Variants in ASAP1 observed in about 807,000 individuals in gnomAD.
ASAP1 encodes arf-GAP with SH3 domain, ANK repeat and PH domain-containing protein 1.
Under a neutral mutation model 145.2 loss-of-function variants are expected in ASAP1, and 43 were observed. That is an observed-to-expected ratio of 0.30 (90% confidence interval 0.23 to 0.38). The LOEUF (loss-of-function observed/expected upper bound fraction) is 0.38. Among genes scored for constraint, ASAP1 ranks in the 10% least tolerant of loss-of-function variants. The pLI, the probability that ASAP1 is intolerant of heterozygous loss-of-function variation, is 1.00. For missense variants in ASAP1, 1,018 were observed against 1,355.3 expected, an observed-to-expected ratio of 0.75 and a Z score of 3.91; for synonymous variants, 546 against 515.5, an observed-to-expected ratio of 1.06 and a Z score of -0.80.
chr8:130,090,500 C>A (rs1018803250), intron 25 of ASAP1, among the ~76,000 whole-genome samples: 13 of 152,184 alleles, frequency 8.5e-5, no homozygotes, highest in African/African-American at 3.1e-4. Flanking sequence ...TTGTTCTTGC[C>A]TGGCTTGTGG....
intron 3 of ASAP1, among the ~76,000 whole-genome samples, chr8:130,271,941 G>T (rs1255068069): frequency 6.6e-6 from 1 of 152,092 alleles, no homozygotes; most frequent in Non-Finnish European, 1.5e-5. Flanking sequence ...AATGGAAGGG[G>T]AGGAAGCAAG....
rs2097525586 is a variant in ASAP1 at position 130,099,818 on chromosome 8, T to A, written c.2402-7675A>T. On this transcript the variant is annotated intron_variant, in intron 24 of 29. Transcript: ENST00000518721. ...CCTCCCAAAGTGCTGGGATTACAGA[T>A]GTGAGTCATTGTGCCCAGCCTATAG... Among the ~76,000 whole-genome samples, 4 of 151,450 alleles carry A rather than the reference T, an allele frequency of 2.6e-5. No homozygotes were observed. The South Asian group carries it at 8.3e-4, about 32-fold the overall frequency.
chr8:130,120,353 A>G (rs1351731091), intron 18 of ASAP1, among the ~76,000 whole-genome samples: 1 of 152,258 alleles, frequency 6.6e-6, no homozygotes, highest in Non-Finnish European at 1.5e-5. Flanking sequence ...GCTCGATTCA[A>G]GTCTGAGACC....
At chr8:130,233,194 A>G (rs1248931407) in intron 4 of ASAP1, among the ~76,000 whole-genome samples, 1 of 152,188 alleles carries the variant, frequency 6.6e-6, no homozygotes, top group Non-Finnish European at 1.5e-5. Context: ...CTCATCTGGG[A>G]AACACCAAAG....
At chr8:130,191,761 C>T (rs1815155743) in intron 5 of ASAP1, among the ~76,000 whole-genome samples, 1 of 152,150 alleles carries the variant, frequency 6.6e-6, no homozygotes, top group Non-Finnish European at 1.5e-5. Flanking sequence ...TGCTAGCTTA[C>T]TCCCTGATAC....
At chr8:130,420,156 G>C (rs1485807012) in intron 1 of ASAP1, among the ~76,000 whole-genome samples, 2 of 151,272 alleles carry the variant, frequency 1.3e-5, no homozygotes, top group Non-Finnish European at 2.9e-5. Flanking sequence ...GATGCTTAAA[G>C]GCATTAGTCA....
intron 3 of ASAP1, among the ~76,000 whole-genome samples, chr8:130,335,543 G>A (rs564578062): frequency 4.6e-5 from 7 of 152,290 alleles, no homozygotes; most frequent in African/African-American, 1.7e-4. Flanking sequence ...ACTGAAATAT[G>A]AAGAGATCAT....
intron 24 of ASAP1, among the ~76,000 whole-genome samples, chr8:130,093,989 T>C (rs2097511693): frequency 6.6e-6 from 1 of 152,168 alleles, no homozygotes; most frequent in African/African-American, 2.4e-5. Context: ...CTATATAATT[T>C]ACATCTTTGT....
intron 23 of ASAP1, among the ~76,000 whole-genome samples, chr8:130,115,108 T>C (rs1427699078): frequency 6.6e-6 from 1 of 152,224 alleles, no homozygotes; most frequent in African/African-American, 2.4e-5. Context: ...TGGTGTTTGG[T>C]CAAATACTAG....
chr8:130,176,571 A>G (rs892681574), intron 9 of ASAP1, among the ~76,000 whole-genome samples: 1 of 152,052 alleles, frequency 6.6e-6, no homozygotes, highest in Admixed American at 6.5e-5. Flanking sequence ...CGTCTACCAG[A>G]TTGCAATCTG....
chr8:130,439,092 G>T (rs537079555), intron 1 of ASAP1, among the ~76,000 whole-genome samples: 337 of 152,280 alleles, frequency 2.2e-3, no homozygotes, highest in African/African-American at 7.9e-3. Context: ...CACTTTAAGG[G>T]TCCTTCAAGG....
At chr8:130,341,023 G>GT (rs1006195484) in intron 3 of ASAP1, 19 of 408,804 alleles carry the variant, frequency 4.6e-5, no homozygotes, top group African/African-American at 3.8e-4. Context: ...TTTTTAGAGT[G>GT]TTTTTTAACC....
chr8:130,077,537 CTTTTTT>C (rs58327713), intron 26 of ASAP1, among the ~76,000 whole-genome samples: 48 of 62,068 alleles, frequency 7.7e-4, no homozygotes, highest in African/African-American at 2.6e-3. Flanking sequence ...GCTGCTGCTG[CTTTTTT>C]TTTTTTTTTT....
intron 27 of ASAP1, among the ~76,000 whole-genome samples, chr8:130,075,926 A>G (rs985145980): frequency 6.6e-6 from 1 of 152,176 alleles, no homozygotes; most frequent in Non-Finnish European, 1.5e-5. Context: ...TTTTGTCCTT[A>G]CAAAACCTCA....
intron 25 of ASAP1, among the ~76,000 whole-genome samples, chr8:130,085,482 C>T (rs2097490556): frequency 6.6e-6 from 1 of 152,106 alleles, no homozygotes; most frequent in African/African-American, 2.4e-5. Context: ...CGCCTGTAAT[C>T]CCAGCACTTT....
chr8:130,114,226 T>C (rs1358541897), intron 23 of ASAP1, among the ~76,000 whole-genome samples: 1 of 152,124 alleles, frequency 6.6e-6, no homozygotes, highest in African/African-American at 2.4e-5. Context: ...CATCATAGAG[T>C]ATACTTACAC....
intron 25 of ASAP1, among the ~76,000 whole-genome samples, chr8:130,081,972 C>T (rs1029403151): frequency 7.9e-5 from 12 of 152,182 alleles, no homozygotes; most frequent in African/African-American, 2.9e-4. Flanking sequence ...GAAGTAAAGT[C>T]AATTGCCCAA....
intron 9 of ASAP1, among the ~76,000 whole-genome samples, chr8:130,176,506 G>A (rs1156541547): frequency 6.6e-6 from 1 of 152,068 alleles, no homozygotes; most frequent in Non-Finnish European, 1.5e-5. Flanking sequence ...TCCCTACAAG[G>A]TTTTTACTGT....
chr8:130,186,059 C>T (rs1165055507), intron 7 of ASAP1, among the ~76,000 whole-genome samples: 1 of 152,118 alleles, frequency 6.6e-6, no homozygotes, highest in Non-Finnish European at 1.5e-5. Context: ...TTTGTCCTTC[C>T]ATTTTCTAAG....
Sources: allele counts gnomAD v4.1 joint callset (sites outside exome capture counted in the v4.1 genomes callset), GRCh38; gene constraint gnomAD v4.1.1; transcripts MANE v1.5; gene names NCBI Gene and HGNC (gene_info 2026-07-23, HGNC 2026-07-21).